Variants in ST6GALNAC3 observed in about 807,000 individuals in gnomAD.
ST6GALNAC3 encodes the protein alpha-N-acetylgalactosaminide alpha-2,6-sialyltransferase 3.
In ST6GALNAC3, 25 loss-of-function variants were observed where a neutral mutation model predicts 32.7. That is an observed-to-expected ratio of 0.76 (90% CI 0.56 to 1.07). The LOEUF (loss-of-function observed/expected upper bound fraction) is 1.07, where lower values mean the gene tolerates loss of function less well. ST6GALNAC3 is among the 50% of genes least tolerant of loss of function. The probability of loss-of-function intolerance (pLI) is 0.00; values close to 1 mark genes in which losing one functional copy is unlikely to be tolerated. For synonymous variants in ST6GALNAC3, 129 were observed against 133.1 expected, an observed-to-expected ratio of 0.97 and a Z score of 0.21; for missense variants, 355 against 382.4, an observed-to-expected ratio of 0.93 and a Z score of 0.60.
chr1:76,521,939 T>C (rs138694863), intron 3 of ST6GALNAC3, among the ~76,000 whole-genome samples: 6,019 of 151,052 alleles, frequency 0.04, 158 homozygotes, highest in Middle Eastern at 0.078. Flanking sequence ...TGTGGTGGCA[T>C]GCACCTGTAG....
At chr1:76,521,298 T>TAC (rs1043877016) in intron 3 of ST6GALNAC3, among the ~76,000 whole-genome samples, 90 of 145,116 alleles carry the variant, frequency 6.2e-4, no homozygotes, top group East Asian at 5.9e-4. Flanking sequence ...TATATATATA[T>TAC]ACACACACAC....
chr1:76,163,879 A>C (rs528218887), intron 1 of ST6GALNAC3, among the ~76,000 whole-genome samples: 102 of 152,298 alleles, frequency 6.7e-4, no homozygotes, highest in Non-Finnish European at 1.2e-3. Flanking sequence ...CTAACTGCCA[A>C]AGTTAAAAAC....
At chr1:76,486,030 A>G (rs373228402) in intron 3 of ST6GALNAC3, among the ~76,000 whole-genome samples, 1 of 152,114 alleles carries the variant, frequency 6.6e-6, no homozygotes, top group Non-Finnish European at 1.5e-5. Flanking sequence ...GTAGTTGAGC[A>G]GTTTTGAGTG....
chr1:76,353,352 C>T (rs933866283), intron 2 of ST6GALNAC3, among the ~76,000 whole-genome samples: 3 of 152,172 alleles, frequency 2.0e-5, no homozygotes, highest in Admixed American at 1.3e-4. Context: ...GAGAGGCTTC[C>T]AACCTGGCAC....
At chr1:76,360,161 C>T (rs1394851669) in intron 2 of ST6GALNAC3, among the ~76,000 whole-genome samples, 1 of 152,100 alleles carries the variant, frequency 6.6e-6, no homozygotes, top group African/African-American at 2.4e-5. Context: ...AGCTTTTAAT[C>T]AACCATAGCT....
At position 76,555,408 on chromosome 1, in the gene ST6GALNAC3, C is replaced by T. The variant is rs139619238; in HGVS notation, c.624-72044C>T. ...TGGGGCAGGGAGAGAGTGGGTGACTCCTTCTCTTAAAGGATTCTTCCTGCT... is the reference window on the plus strand; with the variant it reads ...TGGGGCAGGGAGAGAGTGGGTGACTTCTTCTCTTAAAGGATTCTTCCTGCT... On this transcript the variant is annotated intron_variant, in intron 3 of 4. Transcript: ENST00000328299. 2.0e-3 allele frequency among the ~76,000 whole-genome samples: 300 copies of T among 152,172 alleles called. 3 individuals are homozygous for T. Among genetic ancestry groups the T allele is most frequent in the African/African-American group, 6.6e-3 (272 of 41,522 alleles).
At chr1:76,169,139 G>A (rs1471136950) in intron 1 of ST6GALNAC3, among the ~76,000 whole-genome samples, 1 of 152,134 alleles carries the variant, frequency 6.6e-6, no homozygotes, top group Admixed American at 6.6e-5. Context: ...TTGTAAGGTA[G>A]GTCTGGTGGT....
chr1:76,412,206 A>T lies in ST6GALNAC3; in HGVS notation c.412A>T (p.Lys138Ter). Residue 138 changes from lysine (K) to a stop codon, truncating the protein, a stop_gained, in exon 3 of 5, where the codon AAA (lysine) becomes TAA (stop). Coordinates refer to ENST00000328299, the MANE Select transcript of ST6GALNAC3 (RefSeq NM_152996.4). LOFTEE classifies it high-confidence loss of function. Reference protein sequence around the residue: ...VSHTSVPLLLKNPDYFFKEAN... With the variant: ...VSHTSVPLLL ...CCATACCAGCGTTCCTCTTTTGCTAAAAAACCCTGATTATTTTTTCAAGGA... is the reference window on the plus strand; with the variant it reads ...CCATACCAGCGTTCCTCTTTTGCTATAAAACCCTGATTATTTTTTCAAGGA... The T allele has an allele frequency of 6.2e-7, 1 of 1,613,770 alleles. No individual in the cohort carries two copies. Among genetic ancestry groups the T allele is most frequent in the African/African-American group, 1.3e-5 (1 of 74,992 alleles).
At chr1:76,299,423 G>A (rs1324914859) in intron 1 of ST6GALNAC3, among the ~76,000 whole-genome samples, 1 of 152,062 alleles carries the variant, frequency 6.6e-6, no homozygotes, top group East Asian at 1.9e-4. Context: ...GTTTTCAAGA[G>A]CTCACAGTCT....
At chr1:76,164,161 G>A (rs1651982491) in intron 1 of ST6GALNAC3, among the ~76,000 whole-genome samples, 2 of 152,170 alleles carry the variant, frequency 1.3e-5, no homozygotes, top group Non-Finnish European at 2.9e-5. Context: ...CTGTGATACT[G>A]AGCCCCAGAA....
At chr1:76,104,040 CT>C (rs1436906125) in intron 1 of ST6GALNAC3, among the ~76,000 whole-genome samples, 1 of 152,132 alleles carries the variant, frequency 6.6e-6, no homozygotes, top group Non-Finnish European at 1.5e-5. Flanking sequence ...AAATTCTCAA[CT>C]TTATAATTTT....
At chr1:76,526,962 G>C (rs1242803019) in intron 3 of ST6GALNAC3, among the ~76,000 whole-genome samples, 1 of 152,020 alleles carries the variant, frequency 6.6e-6, no homozygotes, top group Non-Finnish European at 1.5e-5. Context: ...TGAACTCATG[G>C]GGTTGAGAGG....
intron 1 of ST6GALNAC3, among the ~76,000 whole-genome samples, chr1:76,283,188 TTTTG>T (rs1417394559): frequency 1.3e-5 from 2 of 152,240 alleles, no homozygotes; most frequent in Admixed American, 6.5e-5. Flanking sequence ...ACTAGCTTTG[TTTTG>T]TTTGTTTGTT....
At chr1:76,556,603 G>A (rs1347997954) in intron 3 of ST6GALNAC3, among the ~76,000 whole-genome samples, 1 of 152,008 alleles carries the variant, frequency 6.6e-6, no homozygotes, top group Non-Finnish European at 1.5e-5. Context: ...TTATGGCTTT[G>A]GTTGCATTTC....
At chr1:76,278,035 T>A (rs1353300230) in intron 1 of ST6GALNAC3, among the ~76,000 whole-genome samples, 1 of 152,120 alleles carries the variant, frequency 6.6e-6, no homozygotes, top group Admixed American at 6.5e-5. Context: ...TGGAGATTTT[T>A]AATATTTTTA....
At chr1:76,141,356 G>A (rs779204723) in intron 1 of ST6GALNAC3, among the ~76,000 whole-genome samples, 1 of 152,138 alleles carries the variant, frequency 6.6e-6, no homozygotes, top group South Asian at 2.1e-4. Context: ...AGGCTAAGAA[G>A]TAGCCCCAGC....
chr1:76,580,930 A>C (rs2100545849), intron 3 of ST6GALNAC3, among the ~76,000 whole-genome samples: 1 of 152,244 alleles, frequency 6.6e-6, no homozygotes, highest in South Asian at 2.1e-4. Context: ...ACAAGCACCA[A>C]AGCAAGACAC....
intron 1 of ST6GALNAC3, among the ~76,000 whole-genome samples, chr1:76,104,872 A>C (rs1647414272): frequency 6.6e-6 from 1 of 152,108 alleles, no homozygotes; most frequent in Non-Finnish European, 1.5e-5. Flanking sequence ...TGGGCAGGCA[A>C]AGTCCCCTTT....
At chr1:76,297,024 T>C (rs1660443205) in intron 1 of ST6GALNAC3, among the ~76,000 whole-genome samples, 1 of 152,032 alleles carries the variant, frequency 6.6e-6, no homozygotes, top group African/African-American at 2.4e-5. Flanking sequence ...TAGTTGAGCA[T>C]CAGCATTGGT....
Sources: gnomAD v4.1 joint callset for allele counts (sites outside exome capture counted in the v4.1 genomes callset) on GRCh38, gnomAD v4.1.1 for gene constraint, MANE v1.5 for transcripts, NCBI Gene and HGNC (gene_info 2026-07-23, HGNC 2026-07-21) for gene names.